Variants in SLC5A4 observed in about 807,000 individuals in gnomAD.
SLC5A4 encodes the protein probable glucose sensor protein SLC5A4.
Under a neutral mutation model 70.3 loss-of-function variants are expected in SLC5A4, and 55 were observed. The ratio of observed to expected loss-of-function variants is 0.78; its 90% CI spans 0.63 to 0.98. The LOEUF (loss-of-function observed/expected upper bound fraction) is 0.98, where lower values mean the gene tolerates loss of function less well. SLC5A4 is among the 50% of genes least tolerant of loss of function. The probability of loss-of-function intolerance (pLI) is 0.00; values close to 1 mark genes in which losing one functional copy is unlikely to be tolerated. For synonymous variants in SLC5A4, 268 were observed against 305.7 expected, an observed-to-expected ratio of 0.88 and a Z score of 1.29; for missense variants, 735 against 839.2, an observed-to-expected ratio of 0.88 and a Z score of 1.53.
At chr22:32,235,918 C>T (rs998566041) in intron 7 of SLC5A4, among the ~76,000 whole-genome samples, 1 of 152,042 alleles carries the variant, frequency 6.6e-6, no homozygotes, top group African/African-American at 2.4e-5. Context: ...GGAACTTAGC[C>T]GAGTGGAGGA....
chr22:32,272,117 G>A, the SLC5A4 span: 30 of 666,738 alleles, frequency 4.5e-5, no homozygotes, highest in Middle Eastern at 5.1e-4. Flanking sequence ...AGACAGTGTC[G>A]CTGCAGCAAG....
chr22:32,294,568 C>T, the SLC5A4 span, among the ~76,000 whole-genome samples: 1 of 148,240 alleles, frequency 6.7e-6, no homozygotes, highest in Non-Finnish European at 1.5e-5. Flanking sequence ...CCTGCCCCAC[C>T]CCCTCCTTAA....
At chr22:32,294,674 T>TTTTTTA in the SLC5A4 span, among the ~76,000 whole-genome samples, 4 of 151,018 alleles carry the variant, frequency 2.6e-5, no homozygotes, top group Admixed American at 6.6e-5. Context: ...GCTTTTTCTT[T>TTTTTTA]TTATTATACT....
the SLC5A4 span, among the ~76,000 whole-genome samples, chr22:32,346,651 A>G: frequency 7.4e-6 from 1 of 135,764 alleles, no homozygotes; most frequent in Non-Finnish European, 1.5e-5. Context: ...GGCTAGCCAT[A>G]TGTAGAAAGC....
the SLC5A4 span, among the ~76,000 whole-genome samples, chr22:32,335,890 C>T: frequency 3.5e-4 from 54 of 152,346 alleles, no homozygotes; most frequent in Middle Eastern, 3.4e-3. Flanking sequence ...AGCGAGCATC[C>T]TCCAGCCCAC....
the SLC5A4 span, among the ~76,000 whole-genome samples, chr22:32,352,721 C>T: frequency 4.7e-4 from 71 of 152,208 alleles, 1 homozygote; most frequent in African/African-American, 1.7e-3. Context: ...CAACTAGCAC[C>T]GATGCTAATA....
chr22:32,328,101 C>G, the SLC5A4 span, among the ~76,000 whole-genome samples: 15,302 of 151,284 alleles, frequency 0.1, 918 homozygotes, highest in Admixed American at 0.19. Context: ...CACACAAACA[C>G]ACACACACCA....
chr22:32,258,642 A>C (rs1244126839), upstream of SLC5A4, among the ~76,000 whole-genome samples: 1 of 152,192 alleles, frequency 6.6e-6, no homozygotes, highest in Non-Finnish European at 1.5e-5. Context: ...TTGAGGGTGC[A>C]AAATGGTGCA....
the SLC5A4 span, among the ~76,000 whole-genome samples, chr22:32,283,763 GTAATT>G: frequency 6.6e-6 from 1 of 152,158 alleles, no homozygotes; most frequent in Non-Finnish European, 1.5e-5. Context: ...GGAAGTTTGT[GTAATT>G]TAATTTTTTT....
chr22:32,287,831 C>G, the SLC5A4 span, among the ~76,000 whole-genome samples: 1 of 150,996 alleles, frequency 6.6e-6, no homozygotes, highest in Admixed American at 6.6e-5. Context: ...TTCATTCTCT[C>G]CATTTAAAAG....
chr22:32,290,762 T>C, the SLC5A4 span, among the ~76,000 whole-genome samples: 1 of 152,110 alleles, frequency 6.6e-6, no homozygotes, highest in Non-Finnish European at 1.5e-5. Flanking sequence ...ATGAATGCTG[T>C]GTCTTCACAT....
In SLC5A4 at chr22:32,233,035, C is replaced by T. The variant is rs1925853880; in HGVS notation, c.886-1G>A. Reference sequence around the variant, plus strand: ...CACACAGGCAGCGCTGCACAATGACCTGCCGGGAGAACGTGACACACTCAT... The same window carrying T: ...CACACAGGCAGCGCTGCACAATGACTTGCCGGGAGAACGTGACACACTCAT... On this transcript the variant is annotated splice_acceptor_variant, in intron 8 of 14. Coordinates refer to ENST00000266086, the MANE Select transcript of SLC5A4 (RefSeq NM_014227.3). LOFTEE classifies it high-confidence loss of function. The T allele has an allele frequency of 4.3e-6, 7 of 1,612,190 alleles. No homozygotes were observed. Among genetic ancestry groups the T allele is most frequent in the Non-Finnish European group, 5.9e-6 (7 of 1,179,096 alleles).
chr22:32,307,093 T>C, the SLC5A4 span, among the ~76,000 whole-genome samples: 2 of 152,138 alleles, frequency 1.3e-5, no homozygotes, highest in African/African-American at 4.8e-5. Context: ...CCATTCTCAG[T>C]GCAGTCTATG....
chr22:32,325,161 C>CA, the SLC5A4 span, among the ~76,000 whole-genome samples: 36 of 152,252 alleles, frequency 2.4e-4, no homozygotes, highest in Non-Finnish European at 4.6e-4. Flanking sequence ...TGGCCCCTCG[C>CA]ACTAGGCCTT....
At chr22:32,337,030 T>TA in the SLC5A4 span, among the ~76,000 whole-genome samples, 2 of 152,228 alleles carry the variant, frequency 1.3e-5, no homozygotes, top group Non-Finnish European at 2.9e-5. Context: ...AGAGGATGCC[T>TA]AAGACGTTTC....
chr22:32,256,059 G>A (rs1412478600), upstream of SLC5A4, among the ~76,000 whole-genome samples: 1 of 152,224 alleles, frequency 6.6e-6, no homozygotes, highest in Non-Finnish European at 1.5e-5. Context: ...GCTGACACCT[G>A]TAATCCCAGC....
At chr22:32,225,604 C>T (rs773498753) in intron 12 of SLC5A4, 51 bp downstream of exon 12, 26 of 1,242,720 alleles carry the variant, frequency 2.1e-5, no homozygotes, top group Non-Finnish European at 2.7e-5. Context: ...GTGAAATAAA[C>T]GATTTTTTTC....
intron 12 of SLC5A4, among the ~76,000 whole-genome samples, chr22:32,225,082 C>A (rs1925313651): frequency 6.6e-6 from 1 of 152,204 alleles, no homozygotes; most frequent in South Asian, 2.1e-4. Context: ...TAGATACTAA[C>A]CCCTCTGCAC....
At chr22:32,271,304 A>G in the SLC5A4 span, 1 of 743,600 alleles carries the variant, frequency 1.3e-6, no homozygotes, top group Non-Finnish European at 2.4e-6. Flanking sequence ...GCCCGCAGGG[A>G]GGAGGCCATG....
Sources: gnomAD v4.1 joint callset for allele counts (sites outside exome capture counted in the v4.1 genomes callset) on GRCh38, gnomAD v4.1.1 for gene constraint, MANE v1.5 for transcripts, NCBI Gene and HGNC (gene_info 2026-07-23, HGNC 2026-07-21) for gene names.